Variants in SLC20A1 observed in about 807,000 individuals in gnomAD.
SLC20A1 encodes the protein sodium-dependent phosphate transporter 1.
Under a neutral mutation model 62.7 loss-of-function variants are expected in SLC20A1, and 28 were observed. The observed-to-expected ratio is 0.45, with a 90% CI of 0.33 to 0.61. The LOEUF (loss-of-function observed/expected upper bound fraction) is 0.61, where lower values mean the gene tolerates loss of function less well. Among genes scored for constraint, SLC20A1 ranks in the 20% least tolerant of loss-of-function variants. The pLI, the probability that SLC20A1 is intolerant of heterozygous loss-of-function variation, is 0.02. For missense variants in SLC20A1, 673 were observed against 838.6 expected, an observed-to-expected ratio of 0.80 and a Z score of 2.44; for synonymous variants, 305 against 302.9, an observed-to-expected ratio of 1.01 and a Z score of -0.07.
chr2:112,656,188 CTTTTTTTTTTTTTTTT>C (rs367841545), intron 5 of SLC20A1, among the ~76,000 whole-genome samples: 1 of 90,596 alleles, frequency 1.1e-5, no homozygotes, highest in Admixed American at 1.3e-4. Flanking sequence ...AAAGACAAAA[CTTTTTTTTTTTTTTTT>C]TTTTTTTTTG....
At chr2:112,651,632 T>G (rs1182605070) in intron 4 of SLC20A1, among the ~76,000 whole-genome samples, 1 of 152,124 alleles carries the variant, frequency 6.6e-6, no homozygotes, top group Admixed American at 6.5e-5. Flanking sequence ...GGTCTCGATC[T>G]CCTGACCTCA....
chr2:112,652,911 G>T (rs1328853192), intron 5 of SLC20A1, 113 bp downstream of exon 5: 2 of 1,596,050 alleles, frequency 1.3e-6, no homozygotes, highest in Admixed American at 1.7e-5. Flanking sequence ...CTAGAAGGTG[G>T]CTGGCCTGCG....
rs2271713 is a variant in SLC20A1 at position 112,647,755 on chromosome 2, G to A, written c.561+17G>A. The A allele has an allele frequency of 1.2e-3, 1,879 of 1,586,274 alleles. 37 individuals are homozygous for A. The East Asian group carries it at 0.037, about 31-fold the overall frequency. On this transcript the variant is annotated intron_variant, in intron 4 of 10. Coordinates refer to ENST00000272542, the MANE Select transcript of SLC20A1 (RefSeq NM_005415.5). Reference sequence around the variant, plus strand: ...CTCCATAAGGTAACCTTTCTCCCCCGTATGAAGACCTTTCATGGAGCACAC... The same window carrying A: ...CTCCATAAGGTAACCTTTCTCCCCCATATGAAGACCTTTCATGGAGCACAC...
intron 4 of SLC20A1, among the ~76,000 whole-genome samples, chr2:112,649,487 C>A (rs1401320537): frequency 2.0e-5 from 3 of 152,152 alleles, no homozygotes; most frequent in African/African-American, 7.2e-5. Flanking sequence ...ATCTTAACTG[C>A]TAAAATCTGA....
At chr2:112,655,207 G>C (rs1686550194) in intron 5 of SLC20A1, among the ~76,000 whole-genome samples, 1 of 152,002 alleles carries the variant, frequency 6.6e-6, no homozygotes, top group Non-Finnish European at 1.5e-5. Flanking sequence ...AACCTCAGGT[G>C]ATCCACGGAC....
chr2:112,654,777 T>A (rs1188303277), intron 5 of SLC20A1, among the ~76,000 whole-genome samples: 1 of 151,420 alleles, frequency 6.6e-6, no homozygotes, highest in African/African-American at 2.4e-5. Context: ...GCGCCTGTAA[T>A]CCCAGCTACT....
At chr2:112,649,442 T>G (rs1472129445) in intron 4 of SLC20A1, among the ~76,000 whole-genome samples, 1 of 152,254 alleles carries the variant, frequency 6.6e-6, no homozygotes, top group East Asian at 1.9e-4. Context: ...GAGTTAAATT[T>G]CAAGAAAATA....
chr2:112,662,923 C>T lies in SLC20A1; in HGVS notation c.1938C>T (p.Leu646=), dbSNP rs1686790772. ...CCAAGAAGGCTGTTGACTGGCGTCT[C>T]TTTCGTAACATTTTTATGGCCTGGT... is the stretch of plus-strand genomic sequence containing the variant. ...LRSKKAVDWR[L]FRNIFMAWFV... Residue 646 remains leucine (L), a synonymous_variant, in exon 11 of 11, where the codon CTC becomes CTT. Coordinates refer to ENST00000272542, the MANE Select transcript of SLC20A1 (RefSeq NM_005415.5). 8 of 1,614,164 alleles carry T rather than the reference C, an allele frequency of 5.0e-6. No individual in the cohort carries two copies. The Admixed American group carries it at 6.7e-5, about 13-fold the overall frequency.
At chr2:112,658,536 G>A (rs1043961615) in intron 6 of SLC20A1, 20 of 314,912 alleles carry the variant, frequency 6.4e-5, no homozygotes, top group Non-Finnish European at 5.8e-5. Context: ...GTAAAGGGTT[G>A]TAAAAATAAA....
rs1686310050 is a variant in SLC20A1, at chr2:112,647,331, T to A, written c.342T>A (p.Ala114=). The A allele has an allele frequency of 6.2e-7, 1 of 1,613,544 alleles. No individual in the cohort carries two copies. The highest frequency in any genetic ancestry group is 1.7e-5 in the Admixed American group (1 of 59,876). The change falls in exon 3 of 11, where the codon GCT becomes GCA. Residue 114 remains alanine, a synonymous_variant. Transcript: ENST00000272542. ...AACTTTACTATGTTTCAGGTTCTGC[T>A]GTGTGGCAACTCGTGGCTTCGTTTT... is the stretch of plus-strand genomic sequence containing the variant. The part of the protein sequence containing the change: ...AGSVSAMFGS[A]VWQLVASFLK...
intron 1 of SLC20A1, among the ~76,000 whole-genome samples, 182 bp downstream of exon 1, chr2:112,646,311 C>G (rs751902560): frequency 7.2e-5 from 11 of 151,864 alleles, no homozygotes; most frequent in Non-Finnish European, 1.3e-4. Context: ...GCGGCGCGCG[C>G]GGGAACGGCC....
At position 112,657,135 on chromosome 2, in the gene SLC20A1, CAA is replaced by C. The variant is rs771109654; in HGVS notation, c.674_675del (p.Lys225ThrfsTer34). ...YTGAPLLGFD[K>X]LPLWGTILIS... ...TTTATCTCCTAGTGCTGGGCTTTGACAAACTTCCTCTGTGGGGTACCATCCTC... is the reference window on the plus strand; with the variant it reads ...TTTATCTCCTAGTGCTGGGCTTTGACACTTCCTCTGTGGGGTACCATCCTC... On this transcript the variant is annotated frameshift_variant, in exon 6 of 11. Transcript: ENST00000272542. LOFTEE classifies it high-confidence loss of function. 2.0e-5 allele frequency: 32 copies of C among 1,613,544 alleles called. No homozygotes were observed. The highest frequency in any genetic ancestry group is 8.5e-7 in the Non-Finnish European group (1 of 1,179,912).
chr2:112,660,816 A>G, intron 9 of SLC20A1: 1 of 510,908 alleles, frequency 2.0e-6, no homozygotes, highest in Non-Finnish European at 3.4e-6. Flanking sequence ...GTGTATGCTA[A>G]GAGCGGATAG....
chr2:112,654,132 A>T (rs559457998), intron 5 of SLC20A1, among the ~76,000 whole-genome samples: 20 of 152,178 alleles, frequency 1.3e-4, no homozygotes, highest in African/African-American at 4.8e-4. Flanking sequence ...GAGGGATTAT[A>T]TGTGTATTTT....
intron 5 of SLC20A1, 86 bp from the exon 6 acceptor site, chr2:112,657,036 C>A: frequency 6.6e-7 from 1 of 1,515,188 alleles, no homozygotes; most frequent in African/African-American, 1.4e-5. Context: ...GTATGGGGAA[C>A]CCCTCAGTCC....
At position 112,660,476 on chromosome 2, in the gene SLC20A1, T is replaced by C. The variant is rs1360222173; in HGVS notation, c.1697T>C (p.Leu566Pro). 2.5e-6 allele frequency: 4 copies of C among 1,614,184 alleles called. No homozygotes were observed. The highest frequency in any genetic ancestry group is 1.6e-4 in the Middle Eastern group (1 of 6,062). ...SKVATPIWLL[L>P]YGGVGICVGL... ...GTGGCAACACCAATATGGCTTCTAC[T>C]CTATGGTGGTGTTGGTATCTGTGTT... The change falls in exon 9 of 11, where the codon CTC (leucine) becomes CCC (proline). Residue 566 changes from leucine (L) to proline (P), a missense_variant. Leu to Pro is a moderately conservative substitution (Grantham distance 98, BLOSUM62 -3). Transcript: ENST00000272542.
chr2:112,649,963 A>C (rs1178203821), intron 4 of SLC20A1, among the ~76,000 whole-genome samples: 1 of 152,228 alleles, frequency 6.6e-6, no homozygotes, highest in Non-Finnish European at 1.5e-5. Context: ...GTGGATCTCT[A>C]CAATGATGAG....
Position 112,646,817 on chromosome 2 carries a change from C to G in SLC20A1, c.-12C>G. On this transcript the variant is annotated 5_prime_UTR_variant, in exon 2 of 11. Transcript: ENST00000272542. The stretch of plus-strand genomic sequence containing the variant: ...CAGTAGTTCTCTTACTAAACAACCA[C>G]TACTCCAGAGAATGGCAACGCTGAT... 6.3e-7 allele frequency: 1 copy of G among 1,596,224 alleles called. No homozygotes were observed. The highest frequency in any genetic ancestry group is 8.6e-7 in the Non-Finnish European group (1 of 1,168,094).
Position 112,646,420 on chromosome 2 carries a change from C to T in SLC20A1, c.-266-143C>T, listed in dbSNP as rs370787898. The T allele has an allele frequency of 4.6e-5, 7 of 152,368 alleles. No homozygotes were observed. The East Asian group carries it at 1.2e-3, about 25-fold the overall frequency. 9.4% of individuals were successfully genotyped at this position (152,368 alleles called of 1,614,324 possible). A position where few individuals can be genotyped will look rare whatever the true frequency, so the allele number is the denominator to read the frequency against. Reference sequence around the variant, plus strand: ...GGAGGACCCGGAGCCACGTGCCTCTCCTTCTCGCGCGTCCTACTGGGGATG... The same window carrying T: ...GGAGGACCCGGAGCCACGTGCCTCTTCTTCTCGCGCGTCCTACTGGGGATG... On this transcript the variant is annotated intron_variant, in intron 1 of 10. Transcript: ENST00000272542.
Sources: gnomAD v4.1 joint callset for allele counts (sites outside exome capture counted in the v4.1 genomes callset) on GRCh38, gnomAD v4.1.1 for gene constraint, MANE v1.5 for transcripts, NCBI Gene and HGNC (gene_info 2026-07-23, HGNC 2026-07-21) for gene names.